Variants in TICAM1 observed in about 807,000 individuals in gnomAD.
TICAM1 encodes TIR domain-containing adapter molecule 1.
For missense variants in TICAM1, 895 were observed against 938.2 expected (o/e 0.95, Z 0.60); for synonymous variants, 439 against 415.4 (o/e 1.06, Z -0.69).
chr19:4,817,046 G>A lies in TICAM1; in HGVS notation c.1332C>T (p.Asp444=), dbSNP rs773404292. 1 of 1,613,994 alleles carries A rather than the reference G, an allele frequency of 6.2e-7. No homozygotes were observed. The highest frequency in any genetic ancestry group is 1.1e-5 in the South Asian group (1 of 91,094). The change falls in exon 2 of 2, where the codon GAC becomes GAT. Residue 444 remains aspartate (D), a synonymous_variant. Transcript: ENST00000248244. The surrounding 1 kb of genome is among the most constrained non-coding windows in gnomAD (Gnocchi z 4.7). ...TGATGAAAGCTGAGTGGTCTATGGC[G>A]TCCTGCAGGCAGCTCAGCTCCCCGC... ...PGRGELSCLQ[D]AIDHSAFIIL...
At chr19:4,819,783 G>T (rs192930339) in intron 1 of TICAM1, among the ~76,000 whole-genome samples, 24 of 152,242 alleles carry the variant, frequency 1.6e-4, no homozygotes, top group African/African-American at 5.3e-4. Context: ...GCTGAGGCAG[G>T]AGAATCGCTT....
At chr19:4,819,261 G>T (rs547766093) in intron 1 of TICAM1, among the ~76,000 whole-genome samples, 1 of 133,342 alleles carries the variant, frequency 7.5e-6, no homozygotes, top group Non-Finnish European at 1.5e-5. Flanking sequence ...GCAACAGAGT[G>T]AGACCCAGTC....
intron 1 of TICAM1, among the ~76,000 whole-genome samples, chr19:4,826,304 GATAT>G (rs72194788): frequency 2.1e-5 from 3 of 144,646 alleles, no homozygotes; most frequent in African/African-American, 8.2e-5. Flanking sequence ...ATTATTAGGA[GATAT>G]ATATATATAT....
Position 4,816,892 on chromosome 19 carries a change from G to C in TICAM1, c.1486C>G (p.Pro496Ala). 1 of 1,613,176 alleles carries C rather than the reference G, an allele frequency of 6.2e-7. No individual in the cohort carries two copies. Among genetic ancestry groups the C allele is most frequent in the Non-Finnish European group, 8.5e-7 (1 of 1,180,022 alleles). The change falls in exon 2 of 2, where the codon CCG (proline) becomes GCG (alanine). Residue 496 changes from proline to alanine, a missense_variant. Physicochemically the swap from Pro to Ala is conservative, Grantham distance 27. Coordinates refer to ENST00000248244, the MANE Select transcript of TICAM1 (RefSeq NM_182919.4). This position sits in a 1 kb window ranked among gnomAD's most constrained non-coding sequence, Gnocchi z 4.3. ...VIPFLPLESSPAQLSSDTASL... is the reference protein window; with the variant it reads ...VIPFLPLESSAAQLSSDTASL... ...GCCGTGTCGGAGCTGAGCTGGGCCG[G>C]GGAGCTCTCCAGGGGCAGGAAGGGG...
intron 1 of TICAM1, among the ~76,000 whole-genome samples, chr19:4,820,590 C>T (rs535074471): frequency 1.7e-4 from 25 of 151,424 alleles, no homozygotes; most frequent in African/African-American, 5.3e-4. Context: ...TTTGGCCGGG[C>T]GCGGTGGCTC....
chr19:4,823,517 C>T (rs2093601148), intron 1 of TICAM1, among the ~76,000 whole-genome samples: 1 of 149,702 alleles, frequency 6.7e-6, no homozygotes, highest in South Asian at 2.1e-4. Flanking sequence ...CGCCTGAAAT[C>T]CCAGCTACTC....
intron 1 of TICAM1, among the ~76,000 whole-genome samples, chr19:4,819,757 C>A (rs2093594134): frequency 6.6e-6 from 1 of 151,992 alleles, no homozygotes; most frequent in Non-Finnish European, 1.5e-5. Flanking sequence ...CGCCTGTAGT[C>A]CCAGCTACTC....
chr19:4,828,020 G>A (rs944438201), intron 1 of TICAM1, among the ~76,000 whole-genome samples: 1 of 152,172 alleles, frequency 6.6e-6, no homozygotes, highest in Non-Finnish European at 1.5e-5. Flanking sequence ...ATGATAAAGT[G>A]TGGAGAAGGG....
chr19:4,824,943 T>A lies in TICAM1; in HGVS notation c.-139-6427A>T, dbSNP rs541698434. Among the ~76,000 whole-genome samples, 29 of 145,196 alleles carry A rather than the reference T, an allele frequency of 2.0e-4. 1 individual carries two copies. The highest frequency in any genetic ancestry group is 3.2e-4 in the Non-Finnish European group (21 of 65,950). On this transcript the variant is annotated intron_variant, in intron 1 of 1. Transcript: ENST00000248244. ...GCAAGACTCTGTCTCCAAAAAAAAATAAAATAAAATAACAGAGCCTGCTTA... is the reference window on the plus strand; with the variant it reads ...GCAAGACTCTGTCTCCAAAAAAAAAAAAAATAAAATAACAGAGCCTGCTTA...
rs1265495063 is a variant in TICAM1, at chr19:4,817,777, C to T, written c.601G>A (p.Ala201Thr). The change falls in exon 2 of 2, where the codon GCC (alanine) becomes ACC (threonine). Residue 201 changes from alanine to threonine, a missense_variant. Physicochemically the swap from Ala to Thr is moderately conservative, Grantham distance 58. Coordinates refer to ENST00000248244, the MANE Select transcript of TICAM1 (RefSeq NM_182919.4). This position sits in a 1 kb window ranked among gnomAD's most constrained non-coding sequence, Gnocchi z 4.7. ...GCSLRSTGSP[A>T]SLASNLEISQ... ...ATTTCCAAGTTGCTGGCCAGGGAGG[C>T]AGGGCTGCCAGTGGATCGCAGGGAG... is the stretch of plus-strand genomic sequence containing the variant. 1.9e-6 allele frequency: 3 copies of T among 1,601,564 alleles called. No homozygotes were observed. In the African/African-American group the frequency reaches 4.0e-5, roughly 21 times the overall value.
chr19:4,816,745 C>T lies in TICAM1; in HGVS notation c.1633G>A (p.Asp545Asn). 2.5e-6 allele frequency: 4 copies of T among 1,613,882 alleles called. No homozygotes were observed. The highest frequency in any genetic ancestry group is 3.4e-6 in the Non-Finnish European group (4 of 1,180,034). ...ARKAMWRKEQ[D>N]TRALREQSQH... ...CTCTGTTCCCGCAGGGCTCGGGTGT[C>T]CTGTTCCTTCCTCCACATGGCCTTT... The change falls in exon 2 of 2, where the codon GAC (aspartate) becomes AAC (asparagine). Residue 545 changes from aspartate to asparagine, a missense_variant. Asp to Asn is a conservative substitution (Grantham distance 23, BLOSUM62 1). Transcript: ENST00000248244. The surrounding 1 kb of genome is among the most constrained non-coding windows in gnomAD (Gnocchi z 4.3).
intron 1 of TICAM1, among the ~76,000 whole-genome samples, chr19:4,820,398 C>T (rs1043355400): frequency 1.4e-5 from 2 of 140,340 alleles, no homozygotes; most frequent in Non-Finnish European, 1.5e-5. Context: ...CCAGCCTGGG[C>T]GACAGAGTGA....
chr19:4,818,147 C>T lies in TICAM1; in HGVS notation c.231G>A (p.Trp77Ter), dbSNP rs753040804. The T allele has an allele frequency of 6.2e-6, 10 of 1,609,876 alleles. No homozygotes were observed. The highest frequency in any genetic ancestry group is 1.1e-5 in the South Asian group (1 of 91,044). Residue 77 changes from tryptophan (W) to a stop codon, truncating the protein, a stop_gained, in exon 2 of 2, where the codon TGG (tryptophan) becomes TGA (stop). Coordinates refer to ENST00000248244, the MANE Select transcript of TICAM1 (RefSeq NM_182919.4). LOFTEE classifies it low-confidence loss of function (END_TRUNC). The surrounding 1 kb of genome is among the most constrained non-coding windows in gnomAD (Gnocchi z 4.0). ...GGTCCTCGGTGCTGTCCACGCCAGCCCACTGGCGGGCCACCAGCCGGGCCA... is the reference window on the plus strand; with the variant it reads ...GGTCCTCGGTGCTGTCCACGCCAGCTCACTGGCGGGCCACCAGCCGGGCCA... ...DAVARLVARQ[W>*]AGVDSTEDPE...
chr19:4,830,729 G>A (rs2093612505), intron 1 of TICAM1, among the ~76,000 whole-genome samples: 1 of 152,230 alleles, frequency 6.6e-6, no homozygotes, highest in Non-Finnish European at 1.5e-5. Context: ...CGGGGGCTGT[G>A]TGGCTCTGAG....
intron 1 of TICAM1, among the ~76,000 whole-genome samples, chr19:4,829,131 G>A (rs780545776): frequency 9.2e-5 from 14 of 152,098 alleles, no homozygotes; most frequent in South Asian, 2.1e-4. Flanking sequence ...CACTGCGCCC[G>A]GCCTGTATAG....
In TICAM1 at chr19:4,817,124, G is replaced by A. The variant is rs2093587423; in HGVS notation, c.1254C>T (p.Ala418=). 1.9e-6 allele frequency: 3 copies of A among 1,614,140 alleles called. No individual in the cohort carries two copies. Among genetic ancestry groups the A allele is most frequent in the South Asian group, 1.1e-5 (1 of 91,088 alleles). The change falls in exon 2 of 2, where the codon GCC becomes GCT. Residue 418 remains alanine, a synonymous_variant. Transcript: ENST00000248244. The surrounding 1 kb of genome is among the most constrained non-coding windows in gnomAD (Gnocchi z 4.7). ...AGGTGGCCCCGTCGGGCACGCCAAG[G>A]GCCTCCAGCTTCTCCCGAACCCGCA... ...IALRVREKLE[A]LGVPDGATFC... is the part of the protein sequence containing the mutation.
chr19:4,822,843 A>G (rs4807651), intron 1 of TICAM1, among the ~76,000 whole-genome samples: 50,323 of 152,024 alleles, frequency 0.33, 9,066 homozygotes, highest in East Asian at 0.47. Context: ...TGTAACACCA[A>G]ATGCCTTTTA....
At chr19:4,821,701 A>G (rs999385118) in intron 1 of TICAM1, among the ~76,000 whole-genome samples, 13 of 150,472 alleles carry the variant, frequency 8.6e-5, no homozygotes, top group Admixed American at 3.3e-4. Flanking sequence ...CTGGAGTGCA[A>G]TGGCACGATC....
At chr19:4,823,612 C>G (rs1428687432) in intron 1 of TICAM1, among the ~76,000 whole-genome samples, 1 of 152,032 alleles carries the variant, frequency 6.6e-6, no homozygotes, top group Non-Finnish European at 1.5e-5. Context: ...GCACTCCAGC[C>G]TGGGTAACAG....
Sources: gnomAD v4.1 joint callset for allele counts (sites outside exome capture counted in the v4.1 genomes callset) on GRCh38, gnomAD v4.1.1 for gene constraint, Gnocchi (gnomAD v3.1) non-coding constraint, MANE v1.5 for transcripts, NCBI Gene and HGNC (gene_info 2026-07-23, HGNC 2026-07-21) for gene names.